Variants in RAB11A observed in about 807,000 individuals in gnomAD.
RAB11A encodes the protein ras-related protein Rab-11A.
Under a neutral mutation model 28.0 loss-of-function variants are expected in RAB11A, and 9 were observed. The ratio of observed to expected loss-of-function variants is 0.32; its 90% confidence interval spans 0.19 to 0.56. RAB11A has a LOEUF of 0.56. Ranked by LOEUF, RAB11A falls within the 20% of genes least tolerant of loss-of-function variation. The pLI is 0.91. For missense variants in RAB11A, 108 were observed against 269.6 expected, an observed-to-expected ratio of 0.40 and a Z score of 4.20; for synonymous variants, 85 against 88.2, an observed-to-expected ratio of 0.96 and a Z score of 0.20.
intron 3 of RAB11A, among the ~76,000 whole-genome samples, 187 bp from the exon 4 acceptor site, chr15:65,879,484 T>G (rs2078208956): frequency 1.3e-5 from 2 of 152,190 alleles, no homozygotes; most frequent in South Asian, 2.1e-4. Context: ...GCATCTCTAC[T>G]TATATAAAGA....
At chr15:65,871,003 A>C (rs907004610) in intron 1 of RAB11A, among the ~76,000 whole-genome samples, 1 of 152,188 alleles carries the variant, frequency 6.6e-6, no homozygotes, top group Non-Finnish European at 1.5e-5. Context: ...GGTAGCCATC[A>C]GTAGTGTGCC....
In RAB11A at chr15:65,869,610, G is replaced by T. The variant is rs1240528470; in HGVS notation, c.25G>T (p.Asp9Tyr). Reference sequence around the variant, plus strand: ...AATGGGCACCCGCGACGACGAGTACGACTACCTCTTTAAAGGTGAGGCCAT... The same window carrying T: ...AATGGGCACCCGCGACGACGAGTACTACTACCTCTTTAAAGGTGAGGCCAT... MGTRDDEY[D>Y]YLFKVVLIGD... The change falls in exon 1 of 5, where the codon GAC (aspartate) becomes TAC (tyrosine). Residue 9 changes from aspartate to tyrosine, a missense_variant. Coordinates refer to ENST00000261890, the MANE Select transcript of RAB11A (RefSeq NM_004663.5). 6.2e-7 allele frequency: 1 copy of T among 1,611,754 alleles called. No homozygotes were observed. Among genetic ancestry groups the T allele is most frequent in the Admixed American group, 1.7e-5 (1 of 60,012 alleles).
chr15:65,884,033 G>T (rs2078238234), intron 4 of RAB11A, among the ~76,000 whole-genome samples: 1 of 152,068 alleles, frequency 6.6e-6, no homozygotes, highest in Non-Finnish European at 1.5e-5. Flanking sequence ...AGATTCTTTT[G>T]TGGGGGAAGG....
Position 65,877,494 on chromosome 15 carries a change from C to G in RAB11A, c.203C>G (p.Ala68Gly). 2 of 1,614,092 alleles carry G rather than the reference C, an allele frequency of 1.2e-6. No individual in the cohort carries two copies. Among genetic ancestry groups the G allele is most frequent in the Non-Finnish European group, 1.7e-6 (2 of 1,179,994 alleles). Residue 68 changes from alanine to glycine, a missense_variant, in exon 2 of 5, where the codon GCA (alanine) becomes GGA (glycine). This residue lies in a region of RAB11A where 23 missense variants were observed against 123.7 expected (regional missense o/e 0.19). Coordinates refer to ENST00000261890, the MANE Select transcript of RAB11A (RefSeq NM_004663.5). This position sits in a 1 kb window ranked among gnomAD's most constrained non-coding sequence, Gnocchi z 4.1. ...KTIKAQIWDT[A>G]GQERYRAITS... ...ATAAAGGCACAGATATGGGACACAG[C>G]AGGGCAAGAGCGATATCGAGCTATA...
chr15:65,871,919 GTTTTTTTTTTTTTTTT>G (rs960414631), intron 1 of RAB11A, among the ~76,000 whole-genome samples: 54 of 72,060 alleles, frequency 7.5e-4, no homozygotes, highest in East Asian at 7.3e-3. Context: ...GGTTTTGTCA[GTTTTTTTTTTTTTTTT>G]TTTTTTTTTT....
intron 1 of RAB11A, among the ~76,000 whole-genome samples, chr15:65,871,919 GTTTTTTTTTTTTTTTTT>G (rs960414631): frequency 8.3e-5 from 6 of 72,034 alleles, no homozygotes; most frequent in South Asian, 5.5e-4. Flanking sequence ...GGTTTTGTCA[GTTTTTTTTTTTTTTTTT>G]TTTTTTTTTT....
chr15:65,882,724 T>G (rs1364750356), intron 4 of RAB11A, among the ~76,000 whole-genome samples: 2 of 152,218 alleles, frequency 1.3e-5, no homozygotes, highest in African/African-American at 4.8e-5. Context: ...TTGCTGATGG[T>G]ATTTTTTTAG....
chr15:65,880,815 A>G (rs1291297439), intron 4 of RAB11A, among the ~76,000 whole-genome samples: 4 of 152,108 alleles, frequency 2.6e-5, no homozygotes, highest in Admixed American at 6.6e-5. Context: ...AAATTCATAT[A>G]TATTTTGAGG....
intron 4 of RAB11A, among the ~76,000 whole-genome samples, chr15:65,887,418 C>T (rs754516614): frequency 6.6e-6 from 1 of 152,154 alleles, no homozygotes; most frequent in Non-Finnish European, 1.5e-5. Flanking sequence ...GGTGATCTGC[C>T]TGGCCTGGTT....
At chr15:65,883,707 A>G (rs2078236730) in intron 4 of RAB11A, among the ~76,000 whole-genome samples, 1 of 151,972 alleles carries the variant, frequency 6.6e-6, no homozygotes, top group African/African-American at 2.4e-5. Context: ...GGCCTGAGCC[A>G]CCATGCTCTC....
Position 65,873,370 on chromosome 15 carries a change from A to C in RAB11A, c.40+3745A>C, listed in dbSNP as rs966474958. On this transcript the variant is annotated intron_variant, in intron 1 of 4. Transcript: ENST00000261890. ...GACATTTTCTTTTCAATCACATTGGAGGTCAGTAGTAATTAACCATCAGCT... is the reference window on the plus strand; with the variant it reads ...GACATTTTCTTTTCAATCACATTGGCGGTCAGTAGTAATTAACCATCAGCT... Among the ~76,000 whole-genome samples, 11 of 152,112 alleles carry C rather than the reference A, an allele frequency of 7.2e-5. No individual in the cohort carries two copies. The South Asian group carries it at 1.5e-3, about 20-fold the overall frequency.
intron 1 of RAB11A, among the ~76,000 whole-genome samples, chr15:65,876,150 T>TA (rs2078190133): frequency 6.6e-6 from 1 of 152,176 alleles, no homozygotes; most frequent in Non-Finnish European, 1.5e-5. Context: ...CCACTTTGAG[T>TA]GAAAAAGAAT....
At chr15:65,876,570 T>TA (rs1188117397) in intron 1 of RAB11A, among the ~76,000 whole-genome samples, 1 of 152,224 alleles carries the variant, frequency 6.6e-6, no homozygotes, top group African/African-American at 2.4e-5. Flanking sequence ...ATGCTGGGAT[T>TA]ACAGGTGTGA....
chr15:65,877,227 C>A lies in RAB11A; in HGVS notation c.41-105C>A. On this transcript the variant is annotated intron_variant, in intron 1 of 4. Coordinates refer to ENST00000261890, the MANE Select transcript of RAB11A (RefSeq NM_004663.5). This position sits in a 1 kb window ranked among gnomAD's most constrained non-coding sequence, Gnocchi z 4.1. ...TTTAAAAGTCATATACCTTATTTTT[C>A]TTGCTTTATTTACTCTGAAGCCAAA... 2 of 946,688 alleles carry A rather than the reference C, an allele frequency of 2.1e-6. No individual in the cohort carries two copies. The highest frequency in any genetic ancestry group is 3.1e-6 in the Non-Finnish European group (2 of 638,150). The allele number at this position is 946,688 out of a possible 1,614,324, so 58.6% of individuals were successfully genotyped here. A position where few individuals can be genotyped will look rare whatever the true frequency, so the allele number is the denominator to read the frequency against.
In RAB11A at chr15:65,877,941, C is replaced by T; in HGVS notation, c.416C>T (p.Ala139Val). Residue 139 changes from alanine (A) to valine (V), a missense_variant, in exon 3 of 5, where the codon GCA (alanine) becomes GTA (valine). Ala to Val is a moderately conservative substitution (Grantham distance 64, BLOSUM62 0). Transcript: ENST00000261890. This position sits in a 1 kb window ranked among gnomAD's most constrained non-coding sequence, Gnocchi z 4.1. ...RHLRAVPTDE[A>V]RAFAEKNGLS... ...CTCAGGGCAGTTCCTACAGATGAAG[C>T]AAGAGCTTTTGCAGGTTAGTGATAG... The T allele has an allele frequency of 6.2e-7, 1 of 1,613,172 alleles. No individual in the cohort carries two copies. Among genetic ancestry groups the T allele is most frequent in the Non-Finnish European group, 8.5e-7 (1 of 1,179,258 alleles).
chr15:65,880,117 A>G (rs1351362862), intron 4 of RAB11A, among the ~76,000 whole-genome samples: 1 of 152,234 alleles, frequency 6.6e-6, no homozygotes, highest in African/African-American at 2.4e-5. Context: ...TAAATTTAGT[A>G]AAGGCAAAGC....
intron 1 of RAB11A, among the ~76,000 whole-genome samples, chr15:65,870,906 C>G (rs2078156443): frequency 1.3e-5 from 2 of 151,636 alleles, no homozygotes; most frequent in Admixed American, 6.6e-5. Flanking sequence ...GTACATTTTT[C>G]AATGAGAAGA....
rs1400595087 is a variant in RAB11A at position 65,891,445 on chromosome 15, T to G, written c.*3605T>G. 2 of 152,168 alleles carry G rather than the reference T, an allele frequency of 1.3e-5. No homozygotes were observed. The highest frequency in any genetic ancestry group is 3.8e-4 in the East Asian group (2 of 5,206). 9.4% of individuals were successfully genotyped at this position (152,168 alleles called of 1,614,324 possible). ...AAACTGTGGGTTAGAAGAGTGAAAG[T>G]AGCTGGTATGATAGAGCACTGGACT... is the stretch of plus-strand genomic sequence containing the variant. On this transcript the variant is annotated 3_prime_UTR_variant, in exon 5 of 5. Coordinates refer to ENST00000261890, the MANE Select transcript of RAB11A (RefSeq NM_004663.5).
At chr15:65,878,397 C>T (rs777950348) in intron 3 of RAB11A, among the ~76,000 whole-genome samples, 2 of 152,242 alleles carry the variant, frequency 1.3e-5, no homozygotes, top group South Asian at 2.1e-4. Context: ...TAGTGAAAGT[C>T]TTGCGGCCGG....
Sources: gnomAD v4.1 joint callset for allele counts (sites outside exome capture counted in the v4.1 genomes callset) on GRCh38, gnomAD v4.1.1 for gene constraint, gnomAD v4.1.1 regional missense constraint, Gnocchi (gnomAD v3.1) non-coding constraint, MANE v1.5 for transcripts, NCBI Gene and HGNC (gene_info 2026-07-23, HGNC 2026-07-21) for gene names.